FGF12: variants seen among roughly 807,000 people sequenced by gnomAD.
The protein encoded by FGF12 is fibroblast growth factor 12.
FGF12 carries 14 observed loss-of-function variants against 23.6 expected under a neutral mutation model. The ratio of observed to expected loss-of-function variants is 0.59; its 90% confidence interval spans 0.39 to 0.93. FGF12 has a LOEUF of 0.93. FGF12 is among the 40% of genes least tolerant of loss of function. The pLI is 0.00. For synonymous variants in FGF12, 62 were observed against 77.3 expected (o/e 0.80, Z 1.04); for missense variants, 175 against 217.8 (o/e 0.80, Z 1.24).
intron 2 of FGF12, among the ~76,000 whole-genome samples, chr3:192,504,565 G>T (rs1237131490): frequency 6.6e-6 from 1 of 152,098 alleles, no homozygotes; most frequent in East Asian, 1.9e-4. Context: ...AGATCGGGGG[G>T]AAATTGAACA....
chr3:192,324,473 GTACA>G, intron 4 of FGF12, among the ~76,000 whole-genome samples: 1 of 152,290 alleles, frequency 6.6e-6, no homozygotes, highest in East Asian at 1.9e-4. Context: ...TGAGTGTTGA[GTACA>G]TAATATACAC....
chr3:192,148,599 A>C (rs1327985210), intron 5 of FGF12, among the ~76,000 whole-genome samples: 1 of 152,174 alleles, frequency 6.6e-6, no homozygotes, highest in Non-Finnish European at 1.5e-5. Context: ...TAAAATGGTA[A>C]ATTTTGTATT....
intron 2 of FGF12, among the ~76,000 whole-genome samples, chr3:192,689,329 C>T (rs1717868481): frequency 6.6e-6 from 1 of 152,062 alleles, no homozygotes; most frequent in Non-Finnish European, 1.5e-5. Context: ...ATGTATGTAA[C>T]AAAGTATCAC....
At chr3:192,369,110 A>C (rs935033425) in intron 2 of FGF12, among the ~76,000 whole-genome samples, 1 of 152,190 alleles carries the variant, frequency 6.6e-6, no homozygotes, top group Non-Finnish European at 1.5e-5. Context: ...TGAACCTCTC[A>C]GGGCAGAGAC....
intron 2 of FGF12, among the ~76,000 whole-genome samples, chr3:192,552,013 A>G (rs1324849986): frequency 6.6e-6 from 1 of 152,124 alleles, no homozygotes; most frequent in Non-Finnish European, 1.5e-5. Flanking sequence ...ATAGATATAA[A>G]CTTAAAGAAA....
intron 2 of FGF12, among the ~76,000 whole-genome samples, chr3:192,376,769 A>T (rs1719530863): frequency 1.3e-5 from 2 of 152,214 alleles, no homozygotes; most frequent in South Asian, 2.1e-4. Context: ...CATTATTTTT[A>T]AAATTTATTT....
chr3:192,530,734 A>G (rs189683360), intron 2 of FGF12, among the ~76,000 whole-genome samples: 1 of 152,288 alleles, frequency 6.6e-6, no homozygotes, highest in East Asian at 1.9e-4. Flanking sequence ...TAGAGTGGTG[A>G]TGGGTGCATA....
chr3:192,483,816 G>A (rs1056962833), intron 2 of FGF12, among the ~76,000 whole-genome samples: 1 of 152,072 alleles, frequency 6.6e-6, no homozygotes, highest in African/African-American at 2.4e-5. Context: ...TGTGGTAAAG[G>A]TAGAGAAGTA....
chr3:192,211,505 A>C (rs1286982963), intron 4 of FGF12, among the ~76,000 whole-genome samples: 1 of 152,126 alleles, frequency 6.6e-6, no homozygotes, highest in Non-Finnish European at 1.5e-5. Flanking sequence ...GGCTCACTGC[A>C]AGCTCCGCCT....
chr3:192,261,087 G>A (rs1712720736), intron 4 of FGF12, among the ~76,000 whole-genome samples: 1 of 152,110 alleles, frequency 6.6e-6, no homozygotes, highest in Admixed American at 6.6e-5. Context: ...GGGTACGCAG[G>A]GGCTGAGGAA....
intron 2 of FGF12, among the ~76,000 whole-genome samples, chr3:192,458,811 A>G (rs1159703786): frequency 6.6e-6 from 1 of 152,114 alleles, no homozygotes; most frequent in Non-Finnish European, 1.5e-5. Flanking sequence ...GTGGAATGAT[A>G]TGGTTTCGCT....
In FGF12 at chr3:192,447,811, G is replaced by C. The variant is rs372379301; in HGVS notation, c.14-87273C>G. On this transcript the variant is annotated intron_variant, in intron 2 of 5. Coordinates refer to ENST00000445105, the MANE Select transcript of FGF12 (RefSeq NM_004113.6). ...ACACAAATCTTTTCTCTATGAAACT[G>C]ACAAATGTCTACTCTTACATAGCTA... 1.3e-3 allele frequency among the ~76,000 whole-genome samples: 200 copies of C among 152,192 alleles called. 5 individuals are homozygous for C. In the South Asian group the frequency reaches 0.04, roughly 30 times the overall value.
intron 2 of FGF12, among the ~76,000 whole-genome samples, chr3:192,495,283 T>A (rs1200777126): frequency 6.6e-5 from 10 of 152,216 alleles, no homozygotes; most frequent in African/African-American, 2.4e-4. Flanking sequence ...TATCTATGTA[T>A]GCTTATATAT....
intron 2 of FGF12, among the ~76,000 whole-genome samples, chr3:192,420,958 CA>C (rs1249036972): frequency 6.6e-6 from 1 of 151,394 alleles, no homozygotes; most frequent in Admixed American, 6.6e-5. Context: ...AAACTGACTA[CA>C]AATTGGAAAA....
At chr3:192,415,860 T>G (rs1395448559) in intron 2 of FGF12, among the ~76,000 whole-genome samples, 1 of 151,486 alleles carries the variant, frequency 6.6e-6, no homozygotes, top group Non-Finnish European at 1.5e-5. Context: ...AACTTTAAAA[T>G]CTCAGAATAT....
chr3:192,640,700 A>G (rs1255159068), intron 2 of FGF12, among the ~76,000 whole-genome samples: 2 of 152,160 alleles, frequency 1.3e-5, no homozygotes, highest in African/African-American at 4.8e-5. Context: ...TCTATATACA[A>G]TTTGCTCTAA....
At chr3:192,509,400 G>C (rs1445767205) in intron 2 of FGF12, among the ~76,000 whole-genome samples, 1 of 152,162 alleles carries the variant, frequency 6.6e-6, no homozygotes, top group Non-Finnish European at 1.5e-5. Flanking sequence ...GCATTTATTT[G>C]CAGTTTCCAT....
intron 2 of FGF12, among the ~76,000 whole-genome samples, chr3:192,603,292 C>T (rs1198895305): frequency 6.6e-6 from 1 of 152,108 alleles, no homozygotes; most frequent in African/African-American, 2.4e-5. Context: ...ACATTAAAGA[C>T]TCTGCCAAAA....
intron 2 of FGF12, among the ~76,000 whole-genome samples, chr3:192,592,490 T>C (rs1314459448): frequency 6.6e-6 from 1 of 151,866 alleles, no homozygotes; most frequent in Admixed American, 6.6e-5. Flanking sequence ...CCTCCTATCG[T>C]TGTTTCTTTC....
Sources: gnomAD v4.1 joint callset for allele counts (sites outside exome capture counted in the v4.1 genomes callset) on GRCh38, gnomAD v4.1.1 for gene constraint, MANE v1.5 for transcripts, NCBI Gene and HGNC (gene_info 2026-07-23, HGNC 2026-07-21) for gene names.